The following XRCC4 variants were observed in gnomAD, a reference collection of about 807,000 sequenced individuals.
XRCC4 encodes DNA repair protein XRCC4.
XRCC4 carries 28 observed loss-of-function variants against 39.1 expected under a neutral mutation model. That is an observed-to-expected ratio of 0.72 (90% CI 0.53 to 0.98). The LOEUF (loss-of-function observed/expected upper bound fraction) is 0.98, where lower values mean the gene tolerates loss of function less well. Ranked by LOEUF, XRCC4 falls within the 50% of genes least tolerant of loss-of-function variation. The pLI is 0.00. For missense variants in XRCC4, 350 were observed against 376.4 expected (o/e 0.93, Z 0.58); for synonymous variants, 123 against 126.4 (o/e 0.97, Z 0.18).
chr5:83,196,644 T>C (rs764549637), intron 4 of XRCC4, among the ~76,000 whole-genome samples: 13 of 151,754 alleles, frequency 8.6e-5, no homozygotes, highest in Non-Finnish European at 1.3e-4. Flanking sequence ...TCCTCACTTA[T>C]AATATATATA....
chr5:83,341,038 T>C (rs911523329), intron 7 of XRCC4, among the ~76,000 whole-genome samples: 4 of 152,154 alleles, frequency 2.6e-5, no homozygotes, highest in African/African-American at 9.7e-5. Context: ...AAGAAGGTAA[T>C]ACAGCCTATT....
chr5:83,332,266 C>CACACACACACAG (rs1554075362), intron 7 of XRCC4, among the ~76,000 whole-genome samples: 1 of 146,154 alleles, frequency 6.8e-6, no homozygotes, highest in African/African-American at 2.6e-5. Context: ...CACACACACA[C>CACACACACACAG]AGAAAGAGAG....
At chr5:83,156,642 C>G (rs1395211175) in intron 3 of XRCC4, among the ~76,000 whole-genome samples, 2 of 152,018 alleles carry the variant, frequency 1.3e-5, no homozygotes, top group East Asian at 1.9e-4. Context: ...TGGAGAATAT[C>G]TTTGAAGTGG....
intron 3 of XRCC4, among the ~76,000 whole-genome samples, chr5:83,191,247 A>G (rs968387195): frequency 6.6e-6 from 1 of 152,218 alleles, no homozygotes; most frequent in Admixed American, 6.5e-5. Flanking sequence ...GTAGGCTGAT[A>G]TGGTTTGGCT....
intron 3 of XRCC4, among the ~76,000 whole-genome samples, chr5:83,152,116 A>G (rs1330313673): frequency 6.6e-6 from 1 of 152,248 alleles, no homozygotes. Flanking sequence ...GTTCTCAGCA[A>G]CTAAAGTATT....
intron 7 of XRCC4, among the ~76,000 whole-genome samples, chr5:83,272,611 A>C (rs909636720): frequency 6.6e-6 from 1 of 151,738 alleles, no homozygotes; most frequent in East Asian, 1.9e-4. Flanking sequence ...ACAGTATGTG[A>C]TGTTCCCCTC....
the XRCC4 span, among the ~76,000 whole-genome samples, chr5:83,365,351 A>G: frequency 6.6e-6 from 1 of 152,194 alleles, no homozygotes; most frequent in South Asian, 2.1e-4. Context: ...GAAATGCTTA[A>G]TTTCGGTCAT....
intron 7 of XRCC4, among the ~76,000 whole-genome samples, chr5:83,320,396 A>T (rs1184497131): frequency 6.6e-6 from 1 of 151,378 alleles, no homozygotes; most frequent in Non-Finnish European, 1.5e-5. Context: ...AAAATAAAAA[A>T]AAAAAGAAAT....
intron 3 of XRCC4, among the ~76,000 whole-genome samples, chr5:83,118,073 CACACATAT>C (rs71723900): frequency 0.13 from 15,995 of 127,074 alleles, 1,433 homozygotes; most frequent in African/African-American, 0.28. Flanking sequence ...CACACACACA[CACACATAT>C]GTATATAGTG....
At chr5:83,332,810 C>T (rs569972575) in intron 7 of XRCC4, among the ~76,000 whole-genome samples, 24 of 152,098 alleles carry the variant, frequency 1.6e-4, no homozygotes, top group African/African-American at 4.8e-4. Flanking sequence ...AGAATTTGGA[C>T]ACATAATAAT....
chr5:83,156,558 A>T (rs945929378), intron 3 of XRCC4, among the ~76,000 whole-genome samples: 5 of 151,904 alleles, frequency 3.3e-5, no homozygotes, highest in Non-Finnish European at 7.4e-5. Flanking sequence ...TATGTCTCAA[A>T]TTTTTTTTCA....
intron 1 of XRCC4, among the ~76,000 whole-genome samples, chr5:83,081,348 C>G (rs570560840): frequency 6.7e-4 from 102 of 152,274 alleles, no homozygotes; most frequent in Admixed American, 1.6e-3. Flanking sequence ...TTATCCTCAG[C>G]TAGCCTCCCT....
intron 7 of XRCC4, among the ~76,000 whole-genome samples, chr5:83,309,302 T>A (rs867616855): frequency 0.017 from 1,567 of 90,196 alleles, 10 homozygotes; most frequent in Non-Finnish European, 0.025. Flanking sequence ...AAAAAATATA[T>A]ATATATATAT....
At chr5:83,096,324 G>T (rs953836660) in intron 1 of XRCC4, among the ~76,000 whole-genome samples, 1 of 152,118 alleles carries the variant, frequency 6.6e-6, no homozygotes, top group Non-Finnish European at 1.5e-5. Context: ...GATGAGGGGG[G>T]CTGGAGCTGA....
intron 3 of XRCC4, among the ~76,000 whole-genome samples, chr5:83,174,441 C>T (rs1473006163): frequency 2.6e-5 from 4 of 151,584 alleles, no homozygotes; most frequent in Admixed American, 2.6e-4. Context: ...TCAGAGTAAT[C>T]CTTTCCCTTC....
intron 7 of XRCC4, among the ~76,000 whole-genome samples, chr5:83,331,382 T>C (rs150930292): frequency 1.7e-4 from 26 of 152,162 alleles, no homozygotes; most frequent in African/African-American, 4.3e-4. Flanking sequence ...TTTGTTTGCA[T>C]TGAATCCATA....
At chr5:83,149,583 T>A (rs1748613300) in intron 3 of XRCC4, among the ~76,000 whole-genome samples, 1 of 152,176 alleles carries the variant, frequency 6.6e-6, no homozygotes, top group Admixed American at 6.5e-5. Flanking sequence ...AAGTTGCATT[T>A]CTGTGTGATT....
At chr5:83,096,877 T>A (rs909701184) in intron 1 of XRCC4, among the ~76,000 whole-genome samples, 1 of 151,768 alleles carries the variant, frequency 6.6e-6, no homozygotes, top group African/African-American at 2.4e-5. Context: ...ATGGTACTTG[T>A]AGTTTCTAGT....
At chr5:83,241,500 G>A (rs1193693) in intron 6 of XRCC4, among the ~76,000 whole-genome samples, 90,213 of 151,576 alleles carry the variant, frequency 0.6, 27,808 homozygotes, top group East Asian at 0.93. Flanking sequence ...TTTTCTTCTC[G>A]TTTGAGGAAA....
Sources: gnomAD v4.1 joint callset for allele counts (sites outside exome capture counted in the v4.1 genomes callset) on GRCh38, gnomAD v4.1.1 for gene constraint, MANE v1.5 for transcripts, NCBI Gene and HGNC (gene_info 2026-07-23, HGNC 2026-07-21) for gene names.